The following ZNF600 variants were observed in gnomAD, a reference collection of about 807,000 sequenced individuals.
ZNF600 encodes zinc finger protein 600, also known as zinc finger protein KR-ZNF1.
A neutral mutation model predicts 7.3 loss-of-function variants in ZNF600; 4 were observed. The observed-to-expected ratio is 0.55, with a 90% CI of 0.27 to 1.25. The LOEUF is 1.25. ZNF600 is among the 50% of genes most tolerant of loss of function. The probability of loss-of-function intolerance (pLI) is 0.12; values close to 1 mark genes in which losing one functional copy is unlikely to be tolerated. For missense variants in ZNF600, 911 were observed against 922.1 expected (o/e 0.99, Z 0.16); for synonymous variants, 290 against 308.9 (o/e 0.94, Z 0.64).
chr19:52,775,782 G>A lies in ZNF600; in HGVS notation c.64-1081C>T, dbSNP rs533964321. Among the ~76,000 whole-genome samples, 58 of 152,252 alleles carry A rather than the reference G, an allele frequency of 3.8e-4. No individual in the cohort carries two copies. The South Asian group carries it at 0.012, about 30-fold the overall frequency. ...CCAGTACTTTGAGAGGTCGAGGCAG[G>A]TGGATCACGAGGTCAGGAGTTTGAG... On this transcript the variant is annotated intron_variant, in intron 2 of 3. Transcript: ENST00000648973.
upstream of ZNF600, among the ~76,000 whole-genome samples, chr19:52,789,791 GAGACCACCAAAC>G (rs1372565905): frequency 3.9e-5 from 6 of 152,172 alleles, no homozygotes; most frequent in Non-Finnish European, 7.3e-5. Flanking sequence ...TTCGTGTGAA[GAGACCACCAAAC>G]AGCCTTTGTT....
intron 3 of ZNF600, among the ~76,000 whole-genome samples, chr19:52,771,483 T>G (rs2062629849): frequency 6.6e-6 from 1 of 151,938 alleles, no homozygotes. Context: ...CTGGCTAATT[T>G]TTTTTTTGGA....
chr19:52,825,945 G>A, the ZNF600 span, among the ~76,000 whole-genome samples: 4 of 152,272 alleles, frequency 2.6e-5, no homozygotes, highest in African/African-American at 4.8e-5. Flanking sequence ...GCAAGATTGC[G>A]CCACTGCGCT....
At chr19:52,818,103 C>A in the ZNF600 span, 9 of 1,394,356 alleles carry the variant, frequency 6.5e-6, no homozygotes, top group Admixed American at 4.3e-5. Flanking sequence ...ACAACACATA[C>A]AAAGGAGACT....
chr19:52,820,052 T>G, the ZNF600 span, among the ~76,000 whole-genome samples: 1 of 144,250 alleles, frequency 6.9e-6, no homozygotes, highest in Non-Finnish European at 1.5e-5. Flanking sequence ...TGAAACCCTA[T>G]CTCTACTAGA....
At chr19:52,772,831 A>G (rs577511862) in intron 3 of ZNF600, among the ~76,000 whole-genome samples, 1 of 152,282 alleles carries the variant, frequency 6.6e-6, no homozygotes, top group South Asian at 2.1e-4. Context: ...AAATACAAGG[A>G]GAACAGATAG....
chr19:52,779,146 G>A (rs1283875782), intron 1 of ZNF600, among the ~76,000 whole-genome samples: 1 of 152,168 alleles, frequency 6.6e-6, no homozygotes, highest in Non-Finnish European at 1.5e-5. Context: ...GCAGTGGGGA[G>A]CTGGGCTGGA....
At chr19:52,826,228 C>T in the ZNF600 span, among the ~76,000 whole-genome samples, 4 of 152,024 alleles carry the variant, frequency 2.6e-5, no homozygotes, top group Non-Finnish European at 5.9e-5. Context: ...AAATTATCCT[C>T]TACCACTGAT....
chr19:52,764,465 G>A (rs978652151), downstream of ZNF600: 9 of 146,856 alleles, frequency 6.1e-5, no homozygotes, highest in African/African-American at 1.8e-4. Context: ...ACTCACATCA[G>A]TCTACCAAAG....
chr19:52,811,905 G>A, the ZNF600 span, among the ~76,000 whole-genome samples: 16 of 113,458 alleles, frequency 1.4e-4, no homozygotes, highest in East Asian at 3.1e-3. Context: ...ACAGCCCCCC[G>A]CCCGGCCAGC....
At chr19:52,810,779 C>CAAA in the ZNF600 span, 2 of 393,502 alleles carry the variant, frequency 5.1e-6, no homozygotes, top group African/African-American at 1.2e-4. Flanking sequence ...AAAAAAAAAC[C>CAAA]CAAAAAAAAC....
the ZNF600 span, among the ~76,000 whole-genome samples, chr19:52,819,954 G>A: frequency 6.9e-6 from 1 of 144,688 alleles, no homozygotes; most frequent in African/African-American, 2.7e-5. Flanking sequence ...AGCTGAGGTG[G>A]TTCACACCTG....
chr19:52,822,471 G>T, the ZNF600 span, among the ~76,000 whole-genome samples: 1 of 152,078 alleles, frequency 6.6e-6, no homozygotes, highest in Non-Finnish European at 1.5e-5. Flanking sequence ...TGACAAAACA[G>T]GAAGAAATAA....
upstream of ZNF600, among the ~76,000 whole-genome samples, chr19:52,787,597 A>T (rs541602801): frequency 4.6e-5 from 7 of 150,812 alleles, no homozygotes; most frequent in South Asian, 1.3e-3. Flanking sequence ...GCTGGCTCAC[A>T]CCTGTAATCT....
the ZNF600 span, chr19:52,807,770 C>T: frequency 1.4e-6 from 1 of 709,782 alleles, no homozygotes; most frequent in African/African-American, 1.8e-5. Flanking sequence ...CCACCACGAC[C>T]AGGCTGCCAT....
chr19:52,818,016 T>G, the ZNF600 span: 1 of 1,607,034 alleles, frequency 6.2e-7, no homozygotes, highest in Non-Finnish European at 8.5e-7. Flanking sequence ...GTACCAAGAT[T>G]CTTTAGAAGT....
intron 2 of ZNF600, among the ~76,000 whole-genome samples, chr19:52,776,880 G>T (rs1312513407): frequency 6.6e-6 from 1 of 152,076 alleles, no homozygotes; most frequent in Non-Finnish European, 1.5e-5. Flanking sequence ...TCTAATCCAA[G>T]CTACTGGAGA....
chr19:52,833,537 T>C, the ZNF600 span, among the ~76,000 whole-genome samples: 1 of 152,136 alleles, frequency 6.6e-6, no homozygotes, highest in African/African-American at 2.4e-5. Context: ...AAGAGGAATA[T>C]CACTTCACCT....
the ZNF600 span, among the ~76,000 whole-genome samples, chr19:52,806,325 C>G: frequency 1.3e-5 from 2 of 152,118 alleles, no homozygotes; most frequent in African/African-American, 2.4e-5. Flanking sequence ...TCCTGAGTAG[C>G]TTGGATTACA....
Sources: allele counts gnomAD v4.1 joint callset (sites outside exome capture counted in the v4.1 genomes callset), GRCh38; gene constraint gnomAD v4.1.1; transcripts MANE v1.5; gene names NCBI Gene and HGNC (gene_info 2026-07-23, HGNC 2026-07-21).